The following TCHP variants were observed in gnomAD, a reference collection of about 807,000 sequenced individuals.
The protein encoded by TCHP is trichoplein keratin filament-binding protein.
TCHP carries 81 observed loss-of-function variants against 88.7 expected under a neutral mutation model. The ratio of observed to expected loss-of-function variants is 0.91; its 90% CI spans 0.76 to 1.10. TCHP has a LOEUF of 1.10. Ranked by LOEUF, TCHP falls within the 50% of genes least tolerant of loss-of-function variation. The probability of loss-of-function intolerance (pLI) is 0.00; values close to 1 mark genes in which losing one functional copy is unlikely to be tolerated. For synonymous variants in TCHP, 232 were observed against 232.5 expected, an observed-to-expected ratio of 1.00 and a Z score of 0.02; for missense variants, 641 against 632.1, an observed-to-expected ratio of 1.01 and a Z score of -0.15.
rs762812802 is a variant in TCHP, at chr12:109,914,551, T to C, written c.1244T>C (p.Val415Ala). The change falls in exon 11 of 13, where the codon GTG (valine) becomes GCG (alanine). Residue 415 changes from valine (V) to alanine (A), a missense_variant. Val to Ala is a moderately conservative substitution (Grantham distance 64, BLOSUM62 0). Coordinates refer to ENST00000405876, the MANE Select transcript of TCHP (RefSeq NM_001143852.2). Reference protein sequence around the residue: ...REQLIRNLEEVRELARREKEE... With the variant: ...REQLIRNLEEARELARREKEE... ...CAACTTATTCGAAATCTTGAGGAGG[T>C]GAGAGAGTTGGCTCGTCGCGAGAAA... is the stretch of plus-strand genomic sequence containing the variant. The C allele has an allele frequency of 3.7e-6, 6 of 1,613,768 alleles. No individual in the cohort carries two copies. Among genetic ancestry groups the C allele is most frequent in the Non-Finnish European group, 5.1e-6 (6 of 1,179,976 alleles).
At chr12:109,891,629 G>C in the TCHP span, among the ~76,000 whole-genome samples, 2 of 151,556 alleles carry the variant, frequency 1.3e-5, no homozygotes, top group Non-Finnish European at 2.9e-5. Flanking sequence ...TTGAATTTCT[G>C]ACCTCAAGTG....
intron 4 of TCHP, 23 bp from the exon 5 acceptor site, chr12:109,906,549 C>T: frequency 6.2e-7 from 1 of 1,611,802 alleles, no homozygotes; most frequent in Non-Finnish European, 8.5e-7. Flanking sequence ...AGGAAATTCA[C>T]ATCGTCCCCC....
In TCHP at chr12:109,917,309, C is replaced by G. The variant is rs1273007026; in HGVS notation, c.*686C>G. 1 of 152,188 alleles carries G rather than the reference C, an allele frequency of 6.6e-6. No homozygotes were observed. Among genetic ancestry groups the G allele is most frequent in the Non-Finnish European group, 1.5e-5 (1 of 68,044 alleles). 9.4% of individuals were successfully genotyped at this position (152,188 alleles called of 1,614,324 possible). On this transcript the variant is annotated 3_prime_UTR_variant, in exon 13 of 13. Transcript: ENST00000405876. ...GTGACTGATCCCAACATGTATGTTA[C>G]TAAGCCCCAAAACGAACTTCAAACT...
At chr12:109,912,302 G>A (rs947256669) in intron 9 of TCHP, among the ~76,000 whole-genome samples, 15 of 151,374 alleles carry the variant, frequency 9.9e-5, no homozygotes, top group African/African-American at 3.2e-4. Flanking sequence ...TGTGAGACCC[G>A]GAGACTTGAA....
chr12:109,910,707 C>T (rs78658063), intron 8 of TCHP, among the ~76,000 whole-genome samples: 10,666 of 152,240 alleles, frequency 0.07, 610 homozygotes, highest in African/African-American at 0.15. Flanking sequence ...AAAGCTGCAA[C>T]GAGTGTTTTG....
In TCHP at chr12:109,908,595, C is replaced by G. The variant is rs757356685; in HGVS notation, c.709C>G (p.Leu237Val). 3.8e-6 allele frequency: 6 copies of G among 1,598,490 alleles called. No homozygotes were observed. In the South Asian group the frequency reaches 6.8e-5, roughly 18 times the overall value. The change falls in exon 7 of 13, where the codon CTA becomes GTA. Residue 237 changes from leucine to valine, a missense_variant. Transcript: ENST00000405876. The part of the protein sequence containing the change: ...LKLKEVEATK[L>V]KKEQENLLKQ... ...CTCATCATCACCACAGGCGACCAAACTAAAGAAGGAGCAGGAGAATCTGTT... is the reference window on the plus strand; with the variant it reads ...CTCATCATCACCACAGGCGACCAAAGTAAAGAAGGAGCAGGAGAATCTGTT...
At position 109,903,206 on chromosome 12, in the gene TCHP, C is replaced by T; in HGVS notation, c.180C>T (p.Tyr60=). ...KQAEWSSKTS[Y]QRSMHAYQRE... Reference sequence around the variant, plus strand: ...CAGAATGGAGCTCTAAAACCTCCTACCAGCGGAGGTAATTGTGCGGTAACT... The same window carrying T: ...CAGAATGGAGCTCTAAAACCTCCTATCAGCGGAGGTAATTGTGCGGTAACT... Residue 60 remains tyrosine (Y), a synonymous_variant, in exon 2 of 13, where the codon TAC becomes TAT. Transcript: ENST00000405876. This position sits in a 1 kb window ranked among gnomAD's most constrained non-coding sequence, Gnocchi z 4.6. 6.2e-7 allele frequency: 1 copy of T among 1,609,710 alleles called. No homozygotes were observed. The highest frequency in any genetic ancestry group is 8.5e-7 in the Non-Finnish European group (1 of 1,176,948).
At chr12:109,884,187 CT>C in the TCHP span, among the ~76,000 whole-genome samples, 155 of 149,642 alleles carry the variant, frequency 1.0e-3, no homozygotes, top group African/African-American at 3.4e-3. Flanking sequence ...GAGAAAAAAT[CT>C]TTTTTTTTTC....
At chr12:109,913,386 T>A (rs576876300) in intron 10 of TCHP, among the ~76,000 whole-genome samples, 1 of 152,362 alleles carries the variant, frequency 6.6e-6, no homozygotes, top group East Asian at 1.9e-4. Flanking sequence ...CTATTTGGCT[T>A]CAAGCGTTGT....
In TCHP at chr12:109,903,143, T is replaced by G. The variant is rs960767385; in HGVS notation, c.117T>G (p.Arg39=). 3.2e-5 allele frequency: 52 copies of G among 1,613,782 alleles called. No homozygotes were observed. The highest frequency in any genetic ancestry group is 4.2e-5 in the Non-Finnish European group (49 of 1,179,832). The change falls in exon 2 of 13, where the codon CGT becomes CGG. Residue 39 remains arginine (R), a synonymous_variant. Coordinates refer to ENST00000405876, the MANE Select transcript of TCHP (RefSeq NM_001143852.2). This position sits in a 1 kb window ranked among gnomAD's most constrained non-coding sequence, Gnocchi z 4.6. ...GGCAGCAGTGGGAGCAGAACAGCCG[T>G]TACTTCAGGATGTCTGACATCTGCA... is the stretch of plus-strand genomic sequence containing the variant. The part of the protein sequence containing the change: ...RLRQQWEQNS[R]YFRMSDICSS...
At chr12:109,909,721 T>C (rs952504261) in intron 8 of TCHP, among the ~76,000 whole-genome samples, 8 of 152,018 alleles carry the variant, frequency 5.3e-5, no homozygotes, top group African/African-American at 1.9e-4. Context: ...TCCCAGCACT[T>C]TGGGAGGCTG....
the TCHP span, among the ~76,000 whole-genome samples, chr12:109,885,591 T>TC: frequency 1.4e-4 from 21 of 150,052 alleles, no homozygotes; most frequent in Middle Eastern, 3.4e-3. Flanking sequence ...CGCGCCATTC[T>TC]CCTGCCTCAG....
the TCHP span, among the ~76,000 whole-genome samples, chr12:109,894,626 G>A: frequency 3.3e-5 from 5 of 151,782 alleles, no homozygotes; most frequent in African/African-American, 7.2e-5. Context: ...TTAGTTGGGC[G>A]TAGTGGCGCA....
At chr12:109,895,285 C>T (rs1041660493), upstream of TCHP, among the ~76,000 whole-genome samples, 3 of 149,270 alleles carry the variant, frequency 2.0e-5, no homozygotes, top group African/African-American at 7.5e-5. Context: ...TGATGGCTCA[C>T]TGCAACCTCG....
chr12:109,882,124 G>C, the TCHP span, among the ~76,000 whole-genome samples: 1 of 152,180 alleles, frequency 6.6e-6, no homozygotes, highest in Non-Finnish European at 1.5e-5. Context: ...ACTGAAGCCT[G>C]TTGGCTGAGA....
At position 109,903,968 on chromosome 12, in the gene TCHP, G is replaced by A. The variant is rs556436232; in HGVS notation, c.220G>A (p.Glu74Lys). Residue 74 changes from glutamate (E) to lysine (K), a missense_variant, in exon 3 of 13, where the codon GAG (glutamate) becomes AAG (lysine). Glu to Lys is a moderately conservative substitution (Grantham distance 56). Transcript: ENST00000405876. The surrounding 1 kb of genome is among the most constrained non-coding windows in gnomAD (Gnocchi z 4.6). ...TGCCTATCAGCGGGAGAAGATGAAG[G>A]AGGAGAAGAGGAGGAGTCTGGAGGC... ...MHAYQREKMK[E>K]EKRRSLEARR... 1 of 1,610,446 alleles carries A rather than the reference G, an allele frequency of 6.2e-7. No individual in the cohort carries two copies. The highest frequency in any genetic ancestry group is 8.5e-7 in the Non-Finnish European group (1 of 1,178,768).
intron 8 of TCHP, among the ~76,000 whole-genome samples, chr12:109,910,798 G>A (rs571868701): frequency 6.6e-6 from 1 of 152,304 alleles, no homozygotes; most frequent in South Asian, 2.1e-4. Context: ...GCAACCAGGT[G>A]TATCCGAGGG....
At chr12:109,891,431 G>A in the TCHP span, among the ~76,000 whole-genome samples, 10 of 145,234 alleles carry the variant, frequency 6.9e-5, no homozygotes, top group East Asian at 4.0e-4. Flanking sequence ...TCACTCTGTC[G>A]CTCAGGCTGT....
At chr12:109,881,203 A>G in the TCHP span, among the ~76,000 whole-genome samples, 1 of 152,236 alleles carries the variant, frequency 6.6e-6, no homozygotes, top group African/African-American at 2.4e-5. Flanking sequence ...TAGCAATGAC[A>G]GGAATGTAAA....
Sources: allele counts gnomAD v4.1 joint callset (sites outside exome capture counted in the v4.1 genomes callset), GRCh38; gene constraint gnomAD v4.1.1; non-coding constraint Gnocchi (gnomAD v3.1); transcripts MANE v1.5; gene names NCBI Gene and HGNC (gene_info 2026-07-23, HGNC 2026-07-21).